CSNK2A2: variants seen among roughly 807,000 people sequenced by gnomAD.
CSNK2A2 encodes casein kinase 2 alpha 2.
CSNK2A2 carries 8 observed loss-of-function variants against 54.0 expected under a neutral mutation model. That is an observed-to-expected ratio of 0.15 (90% CI 0.09 to 0.27). CSNK2A2 has a LOEUF of 0.27. Among genes scored for constraint, CSNK2A2 ranks in the 10% least tolerant of loss-of-function variants. The pLI is 1.00. For synonymous variants in CSNK2A2, 141 were observed against 153.9 expected, an observed-to-expected ratio of 0.92 and a Z score of 0.62; for missense variants, 242 against 439.4, an observed-to-expected ratio of 0.55 and a Z score of 4.02.
At position 58,194,741 on chromosome 16, in the gene CSNK2A2, G is replaced by A. The variant is rs185265031; in HGVS notation, c.216+1992C>T. Among the ~76,000 whole-genome samples, 389 of 152,250 alleles carry A rather than the reference G, an allele frequency of 2.6e-3. 1 individual carries two copies. The highest frequency in any genetic ancestry group is 8.3e-3 in the African/African-American group (345 of 41,542). On this transcript the variant is annotated intron_variant, in intron 2 of 11. Coordinates refer to ENST00000262506, the MANE Select transcript of CSNK2A2 (RefSeq NM_001896.4). ...ATTAGGTAAGTTTCTTTGTGCCTAGGTCTCCCATTTGTAAAGATAACCTGC... is the reference window on the plus strand; with the variant it reads ...ATTAGGTAAGTTTCTTTGTGCCTAGATCTCCCATTTGTAAAGATAACCTGC...
intron 2 of CSNK2A2, among the ~76,000 whole-genome samples, chr16:58,194,014 A>C (rs1217134333): frequency 6.6e-6 from 1 of 152,196 alleles, no homozygotes; most frequent in Non-Finnish European, 1.5e-5. Flanking sequence ...AAATGATATA[A>C]AATTCCTCTG....
At chr16:58,170,680 G>A (rs934159804) in intron 5 of CSNK2A2, among the ~76,000 whole-genome samples, 2 of 152,082 alleles carry the variant, frequency 1.3e-5, no homozygotes, top group Non-Finnish European at 2.9e-5. Flanking sequence ...GCTGGTGGGT[G>A]TAAAGTGGTA....
At chr16:58,174,574 C>T (rs150485842) in intron 4 of CSNK2A2, 64 bp from the exon 5 acceptor site, 2 of 1,326,360 alleles carry the variant, frequency 1.5e-6, no homozygotes, top group Non-Finnish European at 2.1e-6. Context: ...ATCCTAAGTG[C>T]AGGCCATTCT....
At chr16:58,162,978 C>A (rs1459902058) in intron 11 of CSNK2A2, 1 of 152,058 alleles carries the variant, frequency 6.6e-6, no homozygotes, top group African/African-American at 2.4e-5. Context: ...AAATGTATCA[C>A]ATATCAGAAC....
chr16:58,168,995 C>T (rs940355091), intron 5 of CSNK2A2, among the ~76,000 whole-genome samples: 12 of 151,476 alleles, frequency 7.9e-5, no homozygotes, highest in Non-Finnish European at 1.6e-4. Context: ...GGTGCAATCT[C>T]GGCTCACTGC....
intron 2 of CSNK2A2, among the ~76,000 whole-genome samples, chr16:58,195,524 G>C (rs1962421345): frequency 6.6e-6 from 1 of 152,050 alleles, no homozygotes; most frequent in African/African-American, 2.4e-5. Context: ...TCTGCAAAAG[G>C]GCCACAATGG....
chr16:58,195,555 G>A (rs528715296), intron 2 of CSNK2A2, among the ~76,000 whole-genome samples: 77 of 152,314 alleles, frequency 5.1e-4, no homozygotes, highest in African/African-American at 1.8e-3. Context: ...TATGCAAAGT[G>A]CTTACATCAC....
Position 58,196,863 on chromosome 16 carries a change from C to T in CSNK2A2, c.105-19G>A. 6.7e-7 allele frequency: 1 copy of T among 1,496,662 alleles called. No homozygotes were observed. The highest frequency in any genetic ancestry group is 9.3e-7 in the Non-Finnish European group (1 of 1,072,814). 92.7% of individuals were successfully genotyped at this position (1,496,662 alleles called of 1,614,324 possible). The stretch of plus-strand genomic sequence containing the variant: ...TTGATTACTGTAAAAGGAAGACACA[C>T]ACATAAATGCCAGGACTGGGGGTTA... On this transcript the variant is annotated intron_variant, in intron 1 of 11. Transcript: ENST00000262506.
chr16:58,160,968 G>C (rs1190552856), intron 11 of CSNK2A2: 1 of 152,306 alleles, frequency 6.6e-6, no homozygotes, highest in African/African-American at 2.4e-5. Context: ...GTGCCTCAAT[G>C]AACGACATCA....
chr16:58,184,807 T>C (rs1962147778), intron 3 of CSNK2A2, among the ~76,000 whole-genome samples: 1 of 152,138 alleles, frequency 6.6e-6, no homozygotes, highest in African/African-American at 2.4e-5. Flanking sequence ...CTTGACAGAA[T>C]TATCATAGGT....
intron 2 of CSNK2A2, chr16:58,193,017 T>C (rs567465006): frequency 4.6e-5 from 7 of 152,380 alleles, no homozygotes; most frequent in African/African-American, 1.7e-4. Flanking sequence ...CTAGTTCACA[T>C]ATAATTTTTA....
intron 4 of CSNK2A2, among the ~76,000 whole-genome samples, chr16:58,175,857 G>A (rs993738053): frequency 1.3e-5 from 2 of 152,212 alleles, no homozygotes; most frequent in African/African-American, 4.8e-5. Context: ...GCACAGGCCA[G>A]TACATGGTGT....
intron 4 of CSNK2A2, among the ~76,000 whole-genome samples, chr16:58,183,031 A>G (rs1019590345): frequency 3.9e-5 from 6 of 152,054 alleles, no homozygotes; most frequent in African/African-American, 1.4e-4. Context: ...ACTTTTCACT[A>G]ATTAACCTTG....
At chr16:58,188,883 GAT>G (rs1423110857) in intron 2 of CSNK2A2, among the ~76,000 whole-genome samples, 1 of 151,570 alleles carries the variant, frequency 6.6e-6, no homozygotes, top group East Asian at 1.9e-4. Flanking sequence ...GGGTGAAACA[GAT>G]ATGGGAATTC....
chr16:58,188,791 GGTGTGTGTATATGTACACAAAT>G (rs1379883181), intron 2 of CSNK2A2, among the ~76,000 whole-genome samples: 3 of 152,078 alleles, frequency 2.0e-5, no homozygotes, highest in Non-Finnish European at 4.4e-5. Flanking sequence ...TCATTATATA[GGTGTGTGTATATGTACACAAAT>G]GTGTGTGTAT....
intron 5 of CSNK2A2, among the ~76,000 whole-genome samples, chr16:58,171,501 C>A (rs77474474): frequency 3.3e-5 from 5 of 151,530 alleles, no homozygotes; most frequent in Non-Finnish European, 7.4e-5. Context: ...CCAGCCTGGG[C>A]GACAGATAAA....
At chr16:58,170,451 T>C (rs1007216965) in intron 5 of CSNK2A2, among the ~76,000 whole-genome samples, 7 of 152,118 alleles carry the variant, frequency 4.6e-5, no homozygotes, top group Admixed American at 2.6e-4. Flanking sequence ...TGATGGACAT[T>C]TGGGTTGTTT....
At chr16:58,182,406 C>T (rs112811083) in intron 4 of CSNK2A2, among the ~76,000 whole-genome samples, 8,496 of 39,454 alleles carry the variant, frequency 0.22, 413 homozygotes, top group South Asian at 0.4. Context: ...AAAAAAAAAA[C>T]TAGCCAGGCG....
At position 58,184,289 on chromosome 16, in the gene CSNK2A2, A is replaced by G. The variant is rs750167395; in HGVS notation, c.340T>C (p.Phe114Leu). 3.7e-6 allele frequency: 6 copies of G among 1,603,808 alleles called. No homozygotes were observed. The Admixed American group carries it at 6.7e-5, about 18-fold the overall frequency. ...AAATCTGTATTATTGATATATTCAA[A>G]TACCAAAGCTGGTGTCTTTGACTGT... ...DPVSKTPALV[F>L]EYINNTDFKQ... The change falls in exon 4 of 12, where the codon TTT (phenylalanine) becomes CTT (leucine). Residue 114 changes from phenylalanine (F) to leucine (L), a missense_variant. By Grantham distance (22) the Phe-to-Leu change is conservative. Around this residue, in one of 5 missense-constraint regions of CSNK2A2, gnomAD observed 69 missense variants for 97.0 expected, o/e 0.71. Transcript: ENST00000262506.
Sources: gnomAD v4.1 joint callset for allele counts (sites outside exome capture counted in the v4.1 genomes callset) on GRCh38, gnomAD v4.1.1 for gene constraint, gnomAD v4.1.1 regional missense constraint, MANE v1.5 for transcripts, NCBI Gene and HGNC (gene_info 2026-07-23, HGNC 2026-07-21) for gene names.